The following TRIM24 variants were observed in gnomAD, a reference collection of about 807,000 sequenced individuals.
The protein encoded by TRIM24 is tripartite motif containing 24, also known as transcription intermediary factor 1-alpha.
TRIM24 carries 29 observed loss-of-function variants against 123.9 expected under a neutral mutation model. That is an observed-to-expected ratio of 0.23 (90% CI 0.17 to 0.32). The LOEUF (loss-of-function observed/expected upper bound fraction) is 0.32. Ranked by LOEUF, TRIM24 falls within the 10% of genes least tolerant of loss-of-function variation. The pLI, the probability that TRIM24 is intolerant of heterozygous loss-of-function variation, is 1.00. For missense variants in TRIM24, 932 were observed against 1,295.3 expected, an observed-to-expected ratio of 0.72 and a Z score of 4.31; for synonymous variants, 456 against 461.1, an observed-to-expected ratio of 0.99 and a Z score of 0.14.
Position 138,567,519 on chromosome 7 carries a change from C to T in TRIM24, c.1569C>T (p.Ser523=), listed in dbSNP as rs746215203. Residue 523 remains serine (S), a synonymous_variant, in exon 10 of 19, where the codon AGC becomes AGT. Coordinates refer to ENST00000343526, the MANE Select transcript of TRIM24 (RefSeq NM_015905.3). ...PPRLINFQNH[S]PKPNGPVLPP... is the part of the protein sequence containing the mutation. ...GTTTGATAAACTTTCAGAATCACAG[C>T]CCCAAACCCAATGGACCAGTTCTTC... The T allele has an allele frequency of 1.2e-6, 2 of 1,613,596 alleles. No individual in the cohort carries two copies. Among genetic ancestry groups the T allele is most frequent in the East Asian group, 2.2e-5 (1 of 44,822 alleles).
intron 1 of TRIM24, 160 bp downstream of exon 1, chr7:138,461,072 G>A (rs1356319243): frequency 1.2e-6 from 1 of 828,924 alleles, no homozygotes; most frequent in African/African-American, 1.7e-5. Flanking sequence ...GACATGGAGG[G>A]CCCGCGCTCT....
At chr7:138,480,194 G>A (rs1266614117) in intron 1 of TRIM24, among the ~76,000 whole-genome samples, 2 of 152,078 alleles carry the variant, frequency 1.3e-5, no homozygotes, top group Non-Finnish European at 2.9e-5. Flanking sequence ...GAACTCCTGA[G>A]GTCAAGCAGT....
At chr7:138,525,173 C>A (rs928468419) in intron 4 of TRIM24, 68 bp from the exon 5 acceptor site, 4 of 714,250 alleles carry the variant, frequency 5.6e-6, no homozygotes, top group African/African-American at 3.8e-5. Flanking sequence ...GTTTTTATGT[C>A]TTTTTTTATT....
intron 9 of TRIM24, among the ~76,000 whole-genome samples, chr7:138,564,193 C>A (rs147753978): frequency 1.3e-5 from 2 of 152,216 alleles, no homozygotes; most frequent in South Asian, 4.2e-4. Context: ...TCCGTTGCCC[C>A]CCTTGGACTT....
intron 2 of TRIM24, among the ~76,000 whole-genome samples, chr7:138,513,820 C>T (rs1355423213): frequency 2.0e-5 from 3 of 152,196 alleles, no homozygotes; most frequent in African/African-American, 7.2e-5. Flanking sequence ...TATGTACTAA[C>T]AATCTCTCCT....
chr7:138,531,123 T>TTTATTATTA (rs78988686), intron 6 of TRIM24, among the ~76,000 whole-genome samples: 7 of 150,968 alleles, frequency 4.6e-5, no homozygotes, highest in Admixed American at 6.6e-5. Flanking sequence ...TCCTGGCTAA[T>TTTATTATTA]TTATTATTAT....
At chr7:138,520,417 A>G (rs530225579) in intron 4 of TRIM24, among the ~76,000 whole-genome samples, 1 of 152,366 alleles carries the variant, frequency 6.6e-6, no homozygotes, top group African/African-American at 2.4e-5. Context: ...AAAAGAAAAC[A>G]TCTAGGCCTC....
intron 9 of TRIM24, among the ~76,000 whole-genome samples, chr7:138,567,129 AGG>A (rs1797550067): frequency 6.6e-6 from 1 of 152,204 alleles, no homozygotes; most frequent in Admixed American, 6.5e-5. Flanking sequence ...AGGTTTCAAA[AGG>A]GTAGTTCTTT....
intron 8 of TRIM24, among the ~76,000 whole-genome samples, chr7:138,551,519 A>G (rs551778055): frequency 1.3e-5 from 2 of 152,372 alleles, no homozygotes; most frequent in East Asian, 1.9e-4. Context: ...TTAAAAAGAC[A>G]TGTTGTTTCT....
Position 138,583,849 on chromosome 7 carries a change from G to GGTGCCTGATTATTACA in TRIM24, c.2794_2809dup (p.Lys937SerfsTer3). 1 of 1,543,100 alleles carries GGTGCCTGATTATTACA rather than the reference G, an allele frequency of 6.5e-7. No homozygotes were observed. Among genetic ancestry groups the GGTGCCTGATTATTACA allele is most frequent in the Non-Finnish European group, 8.8e-7 (1 of 1,140,274 alleles). ...ATTATAACATCTCATTTTTTTAATA[G>GGTGCCTGATTATTACA]GTGCCTGATTATTACAAAATAATTA... On this transcript the variant is annotated frameshift_variant and splice_region_variant. Coordinates refer to ENST00000343526, the MANE Select transcript of TRIM24 (RefSeq NM_015905.3). LOFTEE classifies it high-confidence loss of function.
chr7:138,537,556 A>G (rs1796916957), intron 6 of TRIM24, among the ~76,000 whole-genome samples: 1 of 151,984 alleles, frequency 6.6e-6, no homozygotes, highest in African/African-American at 2.4e-5. Flanking sequence ...AGGGCTTCTG[A>G]TTCTTAATTC....
chr7:138,470,158 GTC>G (rs1282613314), intron 1 of TRIM24, among the ~76,000 whole-genome samples: 5 of 115,100 alleles, frequency 4.3e-5, no homozygotes, highest in African/African-American at 1.7e-4. Context: ...TTGAGATGGA[GTC>G]TCTCTCTGTC....
At chr7:138,497,365 G>A (rs966182211) in intron 1 of TRIM24, among the ~76,000 whole-genome samples, 3 of 150,584 alleles carry the variant, frequency 2.0e-5, no homozygotes, top group African/African-American at 7.3e-5. Flanking sequence ...ACCGCGCCTG[G>A]CCGATGGGAA....
chr7:138,476,494 G>A (rs1795403190), intron 1 of TRIM24, among the ~76,000 whole-genome samples: 1 of 151,874 alleles, frequency 6.6e-6, no homozygotes, highest in African/African-American at 2.4e-5. Context: ...TCAGGAGGCT[G>A]AGGCAGGAGA....
chr7:138,479,085 G>C (rs1795468906), intron 1 of TRIM24, among the ~76,000 whole-genome samples: 2 of 152,084 alleles, frequency 1.3e-5, no homozygotes, highest in Admixed American at 1.3e-4. Context: ...TTCATTTCCT[G>C]AGGTCATTTC....
At chr7:138,463,055 T>TG (rs1252480417) in intron 1 of TRIM24, among the ~76,000 whole-genome samples, 3 of 142,594 alleles carry the variant, frequency 2.1e-5, no homozygotes, top group African/African-American at 7.8e-5. Context: ...TTTTTTTTTT[T>TG]TTTTTTTTTT....
chr7:138,545,890 G>A (rs1030723817), intron 7 of TRIM24, among the ~76,000 whole-genome samples: 17 of 152,086 alleles, frequency 1.1e-4, no homozygotes, highest in African/African-American at 3.9e-4. Flanking sequence ...ATAACACACT[G>A]AATTAAATAA....
intron 9 of TRIM24, among the ~76,000 whole-genome samples, chr7:138,560,473 T>C (rs1797403429): frequency 1.3e-5 from 2 of 152,184 alleles, no homozygotes; most frequent in South Asian, 2.1e-4. Context: ...GGCAGCTCAG[T>C]GAAGTCCATT....
At chr7:138,534,234 G>A (rs1445267580) in intron 6 of TRIM24, among the ~76,000 whole-genome samples, 1 of 152,096 alleles carries the variant, frequency 6.6e-6, no homozygotes, top group Admixed American at 6.5e-5. Context: ...TCTGATCTTA[G>A]TTATTTCTTG....
Sources: allele counts gnomAD v4.1 joint callset (sites outside exome capture counted in the v4.1 genomes callset), GRCh38; gene constraint gnomAD v4.1.1; transcripts MANE v1.5; gene names NCBI Gene and HGNC (gene_info 2026-07-23, HGNC 2026-07-21).